The following STARD13 variants were observed in gnomAD, a reference collection of about 807,000 sequenced individuals.
The protein encoded by STARD13 is stAR-related lipid transfer protein 13.
Under a neutral mutation model 106.4 loss-of-function variants are expected in STARD13, and 62 were observed. The observed-to-expected ratio is 0.58, with a 90% CI of 0.48 to 0.72. STARD13 has a LOEUF of 0.72. Among genes scored for constraint, STARD13 ranks in the 30% least tolerant of loss-of-function variants. STARD13 has a pLI of 0.00. For synonymous variants in STARD13, 565 were observed against 553.0 expected (o/e 1.02, Z -0.31); for missense variants, 1,387 against 1,424.0 (o/e 0.97, Z 0.42).
chr13:33,135,659 A>G (rs1878954609), intron 4 of STARD13, among the ~76,000 whole-genome samples: 1 of 152,246 alleles, frequency 6.6e-6, no homozygotes, highest in Non-Finnish European at 1.5e-5. Flanking sequence ...TAGTAAGTGA[A>G]AAGGAATACC....
chr13:33,105,591 AC>A lies in STARD13; in HGVS notation c.*1del. The A allele has an allele frequency of 6.2e-7, 1 of 1,608,142 alleles. No individual in the cohort carries two copies. Among genetic ancestry groups the A allele is most frequent in the Non-Finnish European group, 8.5e-7 (1 of 1,174,574 alleles). On this transcript the variant is annotated 3_prime_UTR_variant, in exon 14 of 14. Coordinates refer to ENST00000336934, the MANE Select transcript of STARD13 (RefSeq NM_178006.4). ...TGAGTTTGATGTCACACTGGGCAAA[AC>A]TCAGATTTTAGTTTCTGGGCCCTCA...
At chr13:33,195,192 T>C (rs1224181078) in intron 1 of STARD13, among the ~76,000 whole-genome samples, 1 of 152,234 alleles carries the variant, frequency 6.6e-6, no homozygotes, top group Non-Finnish European at 1.5e-5. Context: ...GCCACTACTT[T>C]GGATATGGCA....
the STARD13 span, among the ~76,000 whole-genome samples, chr13:33,485,862 T>C: frequency 3.9e-5 from 6 of 152,306 alleles, no homozygotes; most frequent in African/African-American, 1.4e-4. Flanking sequence ...AGAAGGTCCA[T>C]GCAGAGATGC....
chr13:33,399,745 C>T, the STARD13 span, among the ~76,000 whole-genome samples: 1 of 113,780 alleles, frequency 8.8e-6, no homozygotes, highest in South Asian at 3.4e-4. Context: ...TAAGTTTTTA[C>T]AAATCAAGCA....
At chr13:33,259,977 GAAAGTGAGATTCCA>G in intron 1 of STARD13, among the ~76,000 whole-genome samples, 1 of 101,750 alleles carries the variant, frequency 9.8e-6, no homozygotes, top group African/African-American at 3.9e-5. Context: ...GCCTGGGTAA[GAAAGTGAGATTCCA>G]TCTCCAAAAA....
chr13:33,626,027 G>A, the STARD13 span, among the ~76,000 whole-genome samples: 2 of 152,094 alleles, frequency 1.3e-5, no homozygotes, highest in African/African-American at 4.8e-5. Context: ...AAATTATTCT[G>A]TTCTGACTTG....
At chr13:33,619,284 C>T in the STARD13 span, among the ~76,000 whole-genome samples, 11 of 152,128 alleles carry the variant, frequency 7.2e-5, no homozygotes, top group Non-Finnish European at 1.6e-4. Context: ...TACTTGTTTG[C>T]CAGACAAAAT....
chr13:33,619,654 G>A, the STARD13 span, among the ~76,000 whole-genome samples: 2 of 152,028 alleles, frequency 1.3e-5, no homozygotes, highest in East Asian at 1.9e-4. Context: ...TACAAAAAAG[G>A]TAGTGAAAAA....
At position 33,141,756 on chromosome 13, in the gene STARD13, T is replaced by C. The variant is rs534861737; in HGVS notation, c.387+554A>G. On this transcript the variant is annotated intron_variant, in intron 4 of 13. Transcript: ENST00000336934. ...ACTCGCCATGGACCCCCAGATCCTT[T>C]CTGAACTTTTAATCTACTCACTGCT... 2.0e-5 allele frequency among the ~76,000 whole-genome samples: 3 copies of C among 152,282 alleles called. No homozygotes were observed. In the East Asian group the frequency reaches 5.8e-4, roughly 29 times the overall value.
the STARD13 span, among the ~76,000 whole-genome samples, chr13:33,534,548 G>GT: frequency 1.3e-5 from 2 of 152,138 alleles, no homozygotes; most frequent in Non-Finnish European, 2.9e-5. Flanking sequence ...ACTACATGCT[G>GT]TTTTTTCATA....
At chr13:33,439,670 C>T in the STARD13 span, 3 of 1,245,474 alleles carry the variant, frequency 2.4e-6, no homozygotes, top group Non-Finnish European at 3.2e-6. Flanking sequence ...AACAGGAAAA[C>T]ATTTTCTCAG....
the STARD13 span, among the ~76,000 whole-genome samples, chr13:33,454,228 GT>G: frequency 6.6e-6 from 1 of 152,204 alleles, no homozygotes; most frequent in Non-Finnish European, 1.5e-5. Context: ...CCAGTGAGAG[GT>G]GGGACACTTC....
chr13:33,371,648 G>A, the STARD13 span, among the ~76,000 whole-genome samples: 1 of 152,196 alleles, frequency 6.6e-6, no homozygotes, highest in East Asian at 1.9e-4. Flanking sequence ...TGCCATTGAT[G>A]AGCTAGAGAA....
At chr13:33,259,570 C>T (rs933448703) in intron 1 of STARD13, among the ~76,000 whole-genome samples, 1 of 152,106 alleles carries the variant, frequency 6.6e-6, no homozygotes, top group Non-Finnish European at 1.5e-5. Context: ...GCAAAGAGAG[C>T]ACTGAAAGTG....
chr13:33,339,969 A>G (rs1222705858), intron 1 of STARD13, among the ~76,000 whole-genome samples: 1 of 152,044 alleles, frequency 6.6e-6, no homozygotes, highest in Non-Finnish European at 1.5e-5. Flanking sequence ...CCTTGTGGCC[A>G]GGAAAGGTGC....
intron 1 of STARD13, among the ~76,000 whole-genome samples, chr13:33,327,524 C>G (rs1209195423): frequency 6.6e-6 from 1 of 152,108 alleles, no homozygotes; most frequent in East Asian, 1.9e-4. Context: ...CATGGGCCAC[C>G]ACATCTGGCT....
At chr13:33,169,700 C>G (rs970042761) in intron 1 of STARD13, among the ~76,000 whole-genome samples, 6 of 152,128 alleles carry the variant, frequency 3.9e-5, no homozygotes, top group Non-Finnish European at 8.8e-5. Flanking sequence ...CCCAGAGAGC[C>G]AGGCCATGAA....
At chr13:33,528,239 T>TATAA in the STARD13 span, among the ~76,000 whole-genome samples, 1 of 131,162 alleles carries the variant, frequency 7.6e-6, no homozygotes, top group African/African-American at 3.5e-5. Context: ...TATATATATA[T>TATAA]ATACATATAT....
chr13:33,309,248 T>C (rs1488433930), intron 1 of STARD13, among the ~76,000 whole-genome samples: 1 of 152,176 alleles, frequency 6.6e-6, no homozygotes, highest in Non-Finnish European at 1.5e-5. Context: ...CCTGGGATCA[T>C]ACAACCACTC....
Sources: allele counts gnomAD v4.1 joint callset (sites outside exome capture counted in the v4.1 genomes callset), GRCh38; gene constraint gnomAD v4.1.1; transcripts MANE v1.5; gene names NCBI Gene and HGNC (gene_info 2026-07-23, HGNC 2026-07-21).